IMMP2L: variants seen among roughly 807,000 people sequenced by gnomAD.
IMMP2L encodes the protein mitochondrial inner membrane protease subunit 2.
Under a neutral mutation model 19.3 loss-of-function variants are expected in IMMP2L, and 18 were observed. That is an observed-to-expected ratio of 0.93 (90% CI 0.64 to 1.38). IMMP2L has a LOEUF of 1.38. Among genes scored for constraint, IMMP2L ranks in the 40% most tolerant of loss-of-function variants. IMMP2L has a pLI of 0.00. For missense variants in IMMP2L, 233 were observed against 218.2 expected (o/e 1.07, Z -0.43); for synonymous variants, 76 against 73.0 (o/e 1.04, Z -0.21).
intron 4 of IMMP2L, among the ~76,000 whole-genome samples, chr7:110,897,768 G>C (rs144791147): frequency 6.6e-6 from 1 of 152,088 alleles, no homozygotes; most frequent in Non-Finnish European, 1.5e-5. Flanking sequence ...GAACAAATTA[G>C]AGCCATCAAT....
chr7:111,342,185 T>C (rs1312067670), intron 3 of IMMP2L, among the ~76,000 whole-genome samples: 5 of 152,154 alleles, frequency 3.3e-5, no homozygotes, highest in Admixed American at 1.3e-4. Context: ...GGGAGGAAGG[T>C]TAGATTTGAC....
intron 3 of IMMP2L, among the ~76,000 whole-genome samples, chr7:111,359,045 C>G (rs1400744548): frequency 6.6e-6 from 1 of 152,074 alleles, no homozygotes; most frequent in African/African-American, 2.4e-5. Flanking sequence ...TCCTAGACTT[C>G]CTGACAGTTA....
intron 3 of IMMP2L, among the ~76,000 whole-genome samples, chr7:111,314,296 G>A (rs774405133): frequency 1.3e-5 from 2 of 152,102 alleles, no homozygotes; most frequent in Non-Finnish European, 2.9e-5. Context: ...GAGGCATACA[G>A]ACCTGACAAA....
In IMMP2L at chr7:111,206,558, T is replaced by C. The variant is rs149001675; in HGVS notation, c.240-242993A>G. On this transcript the variant is annotated intron_variant, in intron 3 of 5. Transcript: ENST00000405709. ...ACACATTTATGGGGTACATGAGATATTTTGATAAAGACATACAATATACAA... is the reference window on the plus strand; with the variant it reads ...ACACATTTATGGGGTACATGAGATACTTTGATAAAGACATACAATATACAA... 2.6e-3 allele frequency among the ~76,000 whole-genome samples: 403 copies of C among 152,250 alleles called. 2 individuals carry two copies. Among genetic ancestry groups the C allele is most frequent in the African/African-American group, 9.2e-3 (383 of 41,530 alleles).
intron 5 of IMMP2L, among the ~76,000 whole-genome samples, chr7:110,764,409 C>CA (rs1227048117): frequency 1.2e-4 from 19 of 152,038 alleles, no homozygotes; most frequent in African/African-American, 4.3e-4. Flanking sequence ...TCCCCCCACT[C>CA]AAAAAAGGCA....
intron 3 of IMMP2L, among the ~76,000 whole-genome samples, chr7:111,156,893 C>G (rs919820071): frequency 2.6e-5 from 4 of 151,736 alleles, no homozygotes; most frequent in Non-Finnish European, 5.9e-5. Context: ...ATAGATATGA[C>G]TATTCAAATT....
chr7:110,792,689 C>A (rs765704564), intron 5 of IMMP2L, among the ~76,000 whole-genome samples: 31 of 152,008 alleles, frequency 2.0e-4, no homozygotes, highest in Non-Finnish European at 4.3e-4. Flanking sequence ...TCATTATCTC[C>A]CAAAGTCCAC....
At chr7:111,163,186 G>A (rs1805454116) in intron 3 of IMMP2L, among the ~76,000 whole-genome samples, 2 of 152,018 alleles carry the variant, frequency 1.3e-5, no homozygotes, top group African/African-American at 2.4e-5. Context: ...GGGAGTTAAG[G>A]CCCAACTTCG....
intron 5 of IMMP2L, among the ~76,000 whole-genome samples, chr7:110,830,671 C>A (rs1046052991): frequency 1.3e-5 from 2 of 152,152 alleles, no homozygotes; most frequent in African/African-American, 4.8e-5. Flanking sequence ...ACTTGAGAGT[C>A]ATAGTATGGA....
intron 2 of IMMP2L, among the ~76,000 whole-genome samples, chr7:111,520,868 A>G (rs780463038): frequency 6.6e-6 from 1 of 152,146 alleles, no homozygotes; most frequent in Non-Finnish European, 1.5e-5. Context: ...AAAGAACACA[A>G]TACAATATCT....
chr7:110,963,690 T>C, intron 3 of IMMP2L, 125 bp from the exon 4 acceptor site: 2 of 466,276 alleles, frequency 4.3e-6, no homozygotes, highest in South Asian at 9.5e-5. Context: ...CCCCATGACA[T>C]GACATCAGTC....
chr7:111,185,377 T>A (rs1808155262), intron 3 of IMMP2L, among the ~76,000 whole-genome samples: 1 of 152,118 alleles, frequency 6.6e-6, no homozygotes, highest in Non-Finnish European at 1.5e-5. Flanking sequence ...CATAGGCCTT[T>A]TCCTTCTTAC....
At chr7:111,214,459 C>T (rs1484511642) in intron 3 of IMMP2L, among the ~76,000 whole-genome samples, 2 of 141,622 alleles carry the variant, frequency 1.4e-5, no homozygotes, top group African/African-American at 5.2e-5. Context: ...TCTCCTGCCT[C>T]GGCCTCCCTA....
intron 4 of IMMP2L, among the ~76,000 whole-genome samples, chr7:110,901,920 G>T (rs941621682): frequency 2.8e-4 from 42 of 152,186 alleles, no homozygotes; most frequent in African/African-American, 1.0e-3. Flanking sequence ...CATGGCAGAA[G>T]TACTATCTGA....
chr7:110,989,531 CAAAAAAA>C (rs778163183), intron 3 of IMMP2L, among the ~76,000 whole-genome samples: 2 of 60,954 alleles, frequency 3.3e-5, no homozygotes, highest in African/African-American at 1.3e-4. Context: ...CTCTGTCTCC[CAAAAAAA>C]AAAAAAAAAA....
intron 3 of IMMP2L, among the ~76,000 whole-genome samples, chr7:111,357,274 G>C (rs1456545107): frequency 3.3e-5 from 5 of 152,126 alleles, no homozygotes; most frequent in Non-Finnish European, 5.9e-5. Context: ...TGATCCCTTA[G>C]AGGCAGCAAC....
rs765821294 is a variant in IMMP2L, at chr7:111,487,325, C to G, written c.152G>C (p.Gly51Ala). The G allele has an allele frequency of 6.2e-7, 1 of 1,604,766 alleles. No individual in the cohort carries two copies. Among genetic ancestry groups the G allele is most frequent in the Non-Finnish European group, 8.5e-7 (1 of 1,171,638 alleles). Residue 51 changes from glycine (G) to alanine (A), a missense_variant, in exon 3 of 6, where the codon GGG (glycine) becomes GCG (alanine). Transcript: ENST00000405709. ...GASMQPSLNP[G>A]GSQSSDVVLL... is the part of the protein sequence containing the mutation. ...CACCACATCAGATGACTGGCTCCCC[C>G]CAGGATTCAAAGAAGGCTAGAAAAT...
chr7:111,165,134 G>A (rs1043623111), intron 3 of IMMP2L, among the ~76,000 whole-genome samples: 4 of 151,938 alleles, frequency 2.6e-5, no homozygotes, highest in African/African-American at 7.2e-5. Flanking sequence ...TTAAGGTTTT[G>A]ACTATTCTAG....
chr7:110,950,842 A>G (rs1357271966), intron 4 of IMMP2L, among the ~76,000 whole-genome samples: 3 of 27,440 alleles, frequency 1.1e-4, no homozygotes, highest in Non-Finnish European at 2.0e-4. Context: ...AAAATGTGGC[A>G]TATATATATA....
Sources: gnomAD v4.1 joint callset for allele counts (sites outside exome capture counted in the v4.1 genomes callset) on GRCh38, gnomAD v4.1.1 for gene constraint, MANE v1.5 for transcripts, NCBI Gene and HGNC (gene_info 2026-07-23, HGNC 2026-07-21) for gene names.